The following AGPAT5 variants were observed in gnomAD, a reference collection of about 807,000 sequenced individuals.
The protein encoded by AGPAT5 is 1-acylglycerol-3-phosphate O-acyltransferase 5, also known as 1-acyl-sn-glycerol-3-phosphate acyltransferase epsilon.
Under a neutral mutation model 45.6 loss-of-function variants are expected in AGPAT5, and 46 were observed. That is an observed-to-expected ratio of 1.01 (90% confidence interval 0.80 to 1.29). The LOEUF is 1.29. AGPAT5 is among the 50% of genes most tolerant of loss of function. The probability of loss-of-function intolerance (pLI) is 0.00; values close to 1 mark genes in which losing one functional copy is unlikely to be tolerated. For missense variants in AGPAT5, 673 were observed against 450.7 expected (o/e 1.49, Z -4.47); for synonymous variants, 272 against 167.0 (o/e 1.63, Z -4.85).
At chr8:6,732,949 T>C (rs1391247304) in intron 4 of AGPAT5, among the ~76,000 whole-genome samples, 3 of 152,202 alleles carry the variant, frequency 2.0e-5, no homozygotes, top group African/African-American at 7.2e-5. Flanking sequence ...AACCTGACAT[T>C]TAAGCTAGTT....
At chr8:6,712,041 C>G (rs1586996671) in intron 1 of AGPAT5, among the ~76,000 whole-genome samples, 2 of 152,182 alleles carry the variant, frequency 1.3e-5, no homozygotes, top group South Asian at 4.1e-4. Context: ...CTTCATTCCC[C>G]CACAACAATG....
chr8:6,729,345 C>T (rs1179867666), intron 2 of AGPAT5, among the ~76,000 whole-genome samples: 1 of 143,178 alleles, frequency 7.0e-6, no homozygotes, highest in Non-Finnish European at 1.5e-5. Context: ...TTTCTACAGA[C>T]TTTTTTTTTT....
intron 4 of AGPAT5, among the ~76,000 whole-genome samples, chr8:6,733,993 G>A (rs935328624): frequency 2.6e-5 from 4 of 152,168 alleles, no homozygotes; most frequent in Non-Finnish European, 5.9e-5. Flanking sequence ...TCTTGTTTAT[G>A]TGGCTGCCTT....
rs375711445 is a variant in AGPAT5 at position 6,755,230 on chromosome 8, T to C, written c.869+56T>C. 1.2e-5 allele frequency: 19 copies of C among 1,542,506 alleles called. No homozygotes were observed. The East Asian group carries it at 2.3e-4, about 19-fold the overall frequency. ...ACTTCGGTTCAACTAGATTTCAGTA[T>C]AGTCAACAATTTGAAACCAATGTAA... On this transcript the variant is annotated intron_variant, in intron 7 of 7. Transcript: ENST00000285518.
At chr8:6,740,529 T>C (rs1433451069) in intron 4 of AGPAT5, among the ~76,000 whole-genome samples, 1 of 149,074 alleles carries the variant, frequency 6.7e-6, no homozygotes, top group Non-Finnish European at 1.5e-5. Context: ...TTATTAAATA[T>C]AAAGATACAT....
intron 1 of AGPAT5, among the ~76,000 whole-genome samples, chr8:6,724,013 CCTTTT>C (rs1800594282): frequency 2.0e-5 from 3 of 152,146 alleles, no homozygotes; most frequent in Non-Finnish European, 4.4e-5. Flanking sequence ...GCAGCCATTT[CCTTTT>C]AAGTCTTTAC....
chr8:6,722,235 C>T lies in AGPAT5; in HGVS notation c.220-2635C>T, dbSNP rs538511576. On this transcript the variant is annotated intron_variant, in intron 1 of 7. Transcript: ENST00000285518. The stretch of plus-strand genomic sequence containing the variant: ...CACCTTTCCACAGGGAAATTTATGT[C>T]CTGCCTTAGGCAGTTAGGGGAAGGG... Among the ~76,000 whole-genome samples the T allele has an allele frequency of 3.3e-5, 5 of 152,226 alleles. No individual in the cohort carries two copies. The East Asian group carries it at 9.7e-4, about 29-fold the overall frequency.
intron 1 of AGPAT5, chr8:6,709,117 C>T (rs1435531851): frequency 1.7e-6 from 1 of 590,686 alleles, no homozygotes; most frequent in South Asian, 1.9e-5. Flanking sequence ...TGGGACCCGC[C>T]GCCCCTTTCC....
intron 1 of AGPAT5, among the ~76,000 whole-genome samples, chr8:6,715,657 A>C (rs759200986): frequency 1.3e-5 from 2 of 152,178 alleles, no homozygotes; most frequent in African/African-American, 4.8e-5. Context: ...CAATGTGGTT[A>C]TATTGGTTGA....
chr8:6,723,477 C>T (rs1232056047), intron 1 of AGPAT5, among the ~76,000 whole-genome samples: 1 of 150,602 alleles, frequency 6.6e-6, no homozygotes, highest in Admixed American at 6.6e-5. Context: ...ACCTCAGCCT[C>T]CCCAAAGCAC....
intron 4 of AGPAT5, among the ~76,000 whole-genome samples, chr8:6,736,370 T>G (rs1801053977): frequency 6.6e-6 from 1 of 152,238 alleles, no homozygotes; most frequent in Non-Finnish European, 1.5e-5. Flanking sequence ...TTATTGTTTT[T>G]CATTATATGA....
In AGPAT5 at chr8:6,708,902, G is replaced by C; in HGVS notation, c.219+15G>C. 1 of 1,591,774 alleles carries C rather than the reference G, an allele frequency of 6.3e-7. No individual in the cohort carries two copies. Among genetic ancestry groups the C allele is most frequent in the South Asian group, 1.1e-5 (1 of 89,438 alleles). On this transcript the variant is annotated intron_variant, in intron 1 of 7. Transcript: ENST00000285518. ...CCGGGGTCCAGGTGAGCCGCCTCCC[G>C]CTCCCGGGTCTCGGCGTCCACCCGA... is the stretch of plus-strand genomic sequence containing the variant.
At chr8:6,735,725 C>G (rs1296142249) in intron 4 of AGPAT5, among the ~76,000 whole-genome samples, 1 of 152,020 alleles carries the variant, frequency 6.6e-6, no homozygotes, top group East Asian at 1.9e-4. Context: ...ATTCCTTCAG[C>G]ATTCTACATA....
intron 2 of AGPAT5, among the ~76,000 whole-genome samples, chr8:6,729,642 A>G (rs550300991): frequency 7.2e-5 from 11 of 152,024 alleles, no homozygotes; most frequent in East Asian, 1.9e-4. Context: ...TCTTTAAACC[A>G]TGTCCTCTGT....
At chr8:6,733,893 G>GCA in intron 4 of AGPAT5, among the ~76,000 whole-genome samples, 1 of 152,276 alleles carries the variant, frequency 6.6e-6, no homozygotes, top group East Asian at 1.9e-4. Flanking sequence ...GGCATCCTAT[G>GCA]CACAGTGGCC....
At chr8:6,722,251 AG>A (rs1800526853) in intron 1 of AGPAT5, among the ~76,000 whole-genome samples, 1 of 152,194 alleles carries the variant, frequency 6.6e-6, no homozygotes, top group Non-Finnish European at 1.5e-5. Flanking sequence ...TTAGGCAGTT[AG>A]GGGAAGGGCA....
At chr8:6,733,999 G>A (rs1800957363) in intron 4 of AGPAT5, among the ~76,000 whole-genome samples, 1 of 152,178 alleles carries the variant, frequency 6.6e-6, no homozygotes, top group African/African-American at 2.4e-5. Flanking sequence ...TTATGTGGCT[G>A]CCTTCGTGAG....
intron 6 of AGPAT5, among the ~76,000 whole-genome samples, chr8:6,748,210 A>C (rs1801542182): frequency 6.6e-6 from 1 of 152,120 alleles, no homozygotes; most frequent in African/African-American, 2.4e-5. Context: ...ATATTTATTA[A>C]ATTTGGGTGT....
At chr8:6,716,365 T>A (rs1431634605) in intron 1 of AGPAT5, among the ~76,000 whole-genome samples, 1 of 151,840 alleles carries the variant, frequency 6.6e-6, no homozygotes, top group Non-Finnish European at 1.5e-5. Flanking sequence ...TCGAGACCAG[T>A]CTGGCCAACA....
Sources: gnomAD v4.1 joint callset for allele counts (sites outside exome capture counted in the v4.1 genomes callset) on GRCh38, gnomAD v4.1.1 for gene constraint, MANE v1.5 for transcripts, NCBI Gene and HGNC (gene_info 2026-07-23, HGNC 2026-07-21) for gene names.